The following PNO1 variants were observed in gnomAD, a reference collection of about 807,000 sequenced individuals.
PNO1 encodes the protein partner of NOB1 homolog.
A neutral mutation model predicts 28.4 loss-of-function variants in PNO1; 16 were observed. The ratio of observed to expected loss-of-function variants is 0.56; its 90% CI spans 0.38 to 0.85. The LOEUF (loss-of-function observed/expected upper bound fraction) is 0.85, where lower values mean the gene tolerates loss of function less well. Ranked by LOEUF, PNO1 falls within the 40% of genes least tolerant of loss-of-function variation. PNO1 has a pLI of 0.00. For synonymous variants in PNO1, 115 were observed against 110.8 expected (o/e 1.04, Z -0.24); for missense variants, 304 against 312.2 (o/e 0.97, Z 0.20).
chr2:68,159,934 C>T lies in PNO1; in HGVS notation c.357+1405C>T, dbSNP rs376251439. Among the ~76,000 whole-genome samples, 14 of 150,370 alleles carry T rather than the reference C, an allele frequency of 9.3e-5. No individual in the cohort carries two copies. The South Asian group carries it at 2.7e-3, about 29-fold the overall frequency. ...TTCCCAGATCACAATGCTTTTATGA[C>T]ATCCTGGCATCTTCAAAAAACAAAA... On this transcript the variant is annotated intron_variant, in intron 2 of 6. Coordinates refer to ENST00000263657, the MANE Select transcript of PNO1 (RefSeq NM_020143.4).
chr2:68,166,899 T>C (rs527495790), intron 5 of PNO1, among the ~76,000 whole-genome samples: 32 of 152,342 alleles, frequency 2.1e-4, no homozygotes, highest in South Asian at 4.1e-4. Context: ...TGTTAGCTCT[T>C]GATTTCTCCG....
chr2:68,159,283 T>A (rs1411076671), intron 2 of PNO1, among the ~76,000 whole-genome samples: 1 of 152,004 alleles, frequency 6.6e-6, no homozygotes, highest in Non-Finnish European at 1.5e-5. Flanking sequence ...TGTGTGTATA[T>A]ATATCTTTTT....
In PNO1 at chr2:68,158,446, T is replaced by C. The variant is rs769005336; in HGVS notation, c.274T>C (p.Trp92Arg). Reference protein sequence around the residue: ...ANRYTPLKENWMKIFTPIVEH... With the variant: ...ANRYTPLKENRMKIFTPIVEH... ...CAGATACACACCATTGAAAGAAAAC[T>C]GGATGAAGATATTTACTCCTATTGT... The change falls in exon 2 of 7, where the codon TGG becomes CGG. Residue 92 changes from tryptophan to arginine, a missense_variant. Physicochemically the swap from Trp to Arg is moderately radical, Grantham distance 101. Coordinates refer to ENST00000263657, the MANE Select transcript of PNO1 (RefSeq NM_020143.4). The C allele has an allele frequency of 7.4e-6, 12 of 1,613,270 alleles. No individual in the cohort carries two copies. The highest frequency in any genetic ancestry group is 1.0e-5 in the Non-Finnish European group (12 of 1,179,342).
chr2:68,160,163 G>A (rs1673793780), intron 2 of PNO1, among the ~76,000 whole-genome samples: 1 of 151,714 alleles, frequency 6.6e-6, no homozygotes, highest in Admixed American at 6.6e-5. Flanking sequence ...TAGAGACAGG[G>A]TTTCACCGTG....
intron 5 of PNO1, among the ~76,000 whole-genome samples, chr2:68,166,218 G>A (rs1416644051): frequency 6.6e-6 from 1 of 152,114 alleles, no homozygotes; most frequent in Admixed American, 6.5e-5. Context: ...GCAGGGATTA[G>A]GGATGCTGAA....
At chr2:68,173,491 T>C in intron 6 of PNO1, 74 bp downstream of exon 6, 1 of 914,128 alleles carries the variant, frequency 1.1e-6, no homozygotes, top group Non-Finnish European at 1.8e-6. Context: ...AAAACCACAT[T>C]TGCAAAGCAA....
chr2:68,169,714 G>A (rs976378700), intron 5 of PNO1, among the ~76,000 whole-genome samples: 32 of 152,286 alleles, frequency 2.1e-4, no homozygotes, highest in African/African-American at 7.5e-4. Flanking sequence ...TTTTACGGTA[G>A]TAAATAAGAT....
At chr2:68,167,085 A>G (rs1378488149) in intron 5 of PNO1, among the ~76,000 whole-genome samples, 1 of 152,192 alleles carries the variant, frequency 6.6e-6, no homozygotes, top group Non-Finnish European at 1.5e-5. Context: ...CTTTTTCCAT[A>G]ATAATGACAG....
chr2:68,173,948 T>C (rs1674201124), intron 6 of PNO1, among the ~76,000 whole-genome samples: 1 of 152,204 alleles, frequency 6.6e-6, no homozygotes, highest in Admixed American at 6.5e-5. Flanking sequence ...TATTGGGTAA[T>C]ATTGCTTAAA....
intron 3 of PNO1, 142 bp from the exon 4 acceptor site, chr2:68,162,123 C>T (rs1673846340): frequency 1.3e-5 from 8 of 629,116 alleles, no homozygotes; most frequent in Admixed American, 9.3e-5. Flanking sequence ...TGGGCGACAG[C>T]GTAAGACTCT....
chr2:68,160,543 C>T (rs1162577962), intron 2 of PNO1, among the ~76,000 whole-genome samples: 1 of 152,186 alleles, frequency 6.6e-6, no homozygotes, highest in African/African-American at 2.4e-5. Flanking sequence ...CTATTTATTG[C>T]AGGATAATCA....
intron 5 of PNO1, among the ~76,000 whole-genome samples, chr2:68,170,513 C>T (rs879930767): frequency 7.2e-5 from 11 of 152,018 alleles, no homozygotes; most frequent in Non-Finnish European, 1.2e-4. Context: ...TTTGGGAGGC[C>T]GAGGCGGGCG....
At chr2:68,162,729 C>T in intron 5 of PNO1, 66 bp downstream of exon 5, 1 of 1,040,828 alleles carries the variant, frequency 9.6e-7, no homozygotes, top group Non-Finnish European at 1.5e-6. Flanking sequence ...TTAAGAAAGT[C>T]ATAACAGTTG....
At chr2:68,172,733 A>C (rs939740423) in intron 5 of PNO1, among the ~76,000 whole-genome samples, 2 of 152,288 alleles carry the variant, frequency 1.3e-5, no homozygotes, top group East Asian at 1.9e-4. Context: ...GATTTCTTAT[A>C]AACTTCTCTC....
intron 5 of PNO1, among the ~76,000 whole-genome samples, chr2:68,163,054 T>C (rs958786335): frequency 1.1e-4 from 16 of 152,234 alleles, no homozygotes; most frequent in African/African-American, 3.9e-4. Context: ...TGCACCCTTG[T>C]AAAGTTGAAA....
At position 68,161,794 on chromosome 2, in the gene PNO1, G is replaced by T. The variant is rs771607650; in HGVS notation, c.441+28G>T. 7.0e-6 allele frequency: 10 copies of T among 1,430,494 alleles called. No individual in the cohort carries two copies. The South Asian group carries it at 1.2e-4, about 17-fold the overall frequency. The allele number at this position is 1,430,494 out of a possible 1,614,324, so 88.6% of individuals were successfully genotyped here. On this transcript the variant is annotated intron_variant, in intron 3 of 6. Transcript: ENST00000263657. The stretch of plus-strand genomic sequence containing the variant: ...GAGTAATTCCATGATATCTAAAATG[G>T]GGACTTTAAAAATATTCAATGTGAA...
intron 5 of PNO1, among the ~76,000 whole-genome samples, chr2:68,171,270 T>A (rs996734669): frequency 6.6e-6 from 1 of 152,252 alleles, no homozygotes; most frequent in African/African-American, 2.4e-5. Context: ...ATGCATCTAA[T>A]ATTTGAGAAA....
At chr2:68,165,358 C>T (rs1448592015) in intron 5 of PNO1, among the ~76,000 whole-genome samples, 2 of 99,106 alleles carry the variant, frequency 2.0e-5, no homozygotes, top group Non-Finnish European at 1.9e-5. Flanking sequence ...AGCGAGACTC[C>T]GTCTCAAAAA....
rs1410289288 is a variant in PNO1 at position 68,174,768 on chromosome 2, G to A, written c.725G>A (p.Arg242Gln). 5.0e-6 allele frequency: 8 copies of A among 1,609,928 alleles called. No individual in the cohort carries two copies. The highest frequency in any genetic ancestry group is 1.1e-5 in the South Asian group (1 of 90,872). The change falls in exon 7 of 7, where the codon CGA (arginine) becomes CAA (glutamine). Residue 242 changes from arginine to glutamine, a missense_variant. Transcript: ENST00000263657. ...CCTTCCAAGGTTTATGGCAATATTC[G>A]AGCTGTGGCTAGCAGATCAGCAGAT... ...NPPSKVYGNI[R>Q]AVASRSADRF
Sources: gnomAD v4.1 joint callset for allele counts (sites outside exome capture counted in the v4.1 genomes callset) on GRCh38, gnomAD v4.1.1 for gene constraint, MANE v1.5 for transcripts, NCBI Gene and HGNC (gene_info 2026-07-23, HGNC 2026-07-21) for gene names.